The following CRIM1 variants were observed in gnomAD, a reference collection of about 807,000 sequenced individuals.
CRIM1 encodes cysteine rich transmembrane BMP regulator 1, also known as cysteine-rich motor neuron 1 protein.
CRIM1 carries 32 observed loss-of-function variants against 116.4 expected under a neutral mutation model. That is an observed-to-expected ratio of 0.27 (90% CI 0.21 to 0.37). CRIM1 has a LOEUF of 0.37. Among genes scored for constraint, CRIM1 ranks in the 10% least tolerant of loss-of-function variants. The probability of loss-of-function intolerance (pLI) is 1.00; values close to 1 mark genes in which losing one functional copy is unlikely to be tolerated. For synonymous variants in CRIM1, 590 were observed against 509.2 expected, an observed-to-expected ratio of 1.16 and a Z score of -2.13; for missense variants, 1,331 against 1,354.8, an observed-to-expected ratio of 0.98 and a Z score of 0.28.
chr2:36,447,643 C>T (rs577508542), intron 4 of CRIM1, among the ~76,000 whole-genome samples: 1 of 152,318 alleles, frequency 6.6e-6, no homozygotes, highest in African/African-American at 2.4e-5. Flanking sequence ...AGTTACAGAA[C>T]ACTTCTGCCA....
At chr2:36,393,784 T>A (rs1290217264) in intron 1 of CRIM1, among the ~76,000 whole-genome samples, 1 of 152,202 alleles carries the variant, frequency 6.6e-6, no homozygotes, top group African/African-American at 2.4e-5. Flanking sequence ...ATGGGAGCAG[T>A]TCCTGCGTGT....
At chr2:36,523,002 T>G (rs1178394899) in intron 13 of CRIM1, among the ~76,000 whole-genome samples, 5 of 150,102 alleles carry the variant, frequency 3.3e-5, no homozygotes, top group African/African-American at 9.8e-5. Flanking sequence ...TCACCCAGGC[T>G]GGAGTGCAGT....
intron 1 of CRIM1, among the ~76,000 whole-genome samples, chr2:36,391,817 A>G (rs1053545532): frequency 6.6e-6 from 1 of 151,694 alleles, no homozygotes; most frequent in Non-Finnish European, 1.5e-5. Context: ...AAAAAATGGT[A>G]CATAAAACTC....
intron 2 of CRIM1, among the ~76,000 whole-genome samples, chr2:36,414,754 T>TA (rs1673474708): frequency 7.9e-5 from 12 of 152,148 alleles, no homozygotes; most frequent in Admixed American, 7.9e-4. Flanking sequence ...CCGAGGGACT[T>TA]AAAGTTGTGA....
chr2:36,371,212 G>C (rs963131418), intron 1 of CRIM1, among the ~76,000 whole-genome samples: 1 of 152,064 alleles, frequency 6.6e-6, no homozygotes. Flanking sequence ...TCTTTCCTTT[G>C]TGAAGCCTTC....
At position 36,517,283 on chromosome 2, in the gene CRIM1, G is replaced by A. The variant is rs779410489; in HGVS notation, c.1991-44G>A. The A allele has an allele frequency of 5.3e-6, 8 of 1,518,934 alleles. No individual in the cohort carries two copies. In the South Asian group the frequency reaches 9.0e-5, roughly 17 times the overall value. The allele number at this position is 1,518,934 out of a possible 1,614,324, so 94.1% of individuals were successfully genotyped here. On this transcript the variant is annotated intron_variant, in intron 11 of 16. Coordinates refer to ENST00000280527, the MANE Select transcript of CRIM1 (RefSeq NM_016441.3). ...GCACCAGGCTTTCAAGAGTTGGAAA[G>A]ATTGCAGATGAATAATGTGTTCTGA...
rs893027978 is a variant in CRIM1, at chr2:36,549,052, C to A, written c.*351C>A. The A allele has an allele frequency of 6.1e-6, 1 of 163,948 alleles. No individual in the cohort carries two copies. The highest frequency in any genetic ancestry group is 1.3e-5 in the Non-Finnish European group (1 of 75,652). 10.2% of individuals were successfully genotyped at this position (163,948 alleles called of 1,614,324 possible). On this transcript the variant is annotated 3_prime_UTR_variant, in exon 17 of 17. Coordinates refer to ENST00000280527, the MANE Select transcript of CRIM1 (RefSeq NM_016441.3). Reference sequence around the variant, plus strand: ...GGAAGAAAAATTGGTCAGCTTGGCTCGGGGAGAAACCTGGTAACATAAAAG... The same window carrying A: ...GGAAGAAAAATTGGTCAGCTTGGCTAGGGGAGAAACCTGGTAACATAAAAG...
chr2:36,367,860 C>G (rs1669697590), intron 1 of CRIM1, among the ~76,000 whole-genome samples: 1 of 152,188 alleles, frequency 6.6e-6, no homozygotes, highest in Admixed American at 6.5e-5. Context: ...GGGTAGAACT[C>G]AAACCTCTCT....
At chr2:36,358,548 G>C (rs534128361) in intron 1 of CRIM1, among the ~76,000 whole-genome samples, 1 of 152,328 alleles carries the variant, frequency 6.6e-6, no homozygotes, top group African/African-American at 2.4e-5. Flanking sequence ...TCACAGTATA[G>C]AGTTATTTTG....
At chr2:36,481,757 A>G (rs1019229682) in intron 7 of CRIM1, among the ~76,000 whole-genome samples, 1 of 152,138 alleles carries the variant, frequency 6.6e-6, no homozygotes, top group Admixed American at 6.6e-5. Context: ...GGCTGAGTGA[A>G]GATCAACGGA....
rs147179816 is a variant in CRIM1 at position 36,509,524 on chromosome 2, G to A, written c.1502-459G>A. On this transcript the variant is annotated intron_variant, in intron 8 of 16. Transcript: ENST00000280527. ...TCTAAATGACAGAGCGAGAGATTCT[G>A]TCTCCAACAAAAGAAAAAAGGACAT... Among the ~76,000 whole-genome samples the A allele has an allele frequency of 8.5e-5, 13 of 152,278 alleles. No homozygotes were observed. The East Asian group carries it at 2.3e-3, about 27-fold the overall frequency.
At chr2:36,411,662 T>TTGTGTGTGTGTG (rs58015078) in intron 2 of CRIM1, among the ~76,000 whole-genome samples, 24 of 150,202 alleles carry the variant, frequency 1.6e-4, no homozygotes, top group African/African-American at 4.6e-4. Flanking sequence ...ATCTTATTCT[T>TTGTGTGTGTGTG]TGTGTGTGTG....
intron 2 of CRIM1, among the ~76,000 whole-genome samples, chr2:36,434,166 A>G (rs1339749958): frequency 2.0e-5 from 3 of 152,236 alleles, no homozygotes; most frequent in Non-Finnish European, 4.4e-5. Context: ...TGACATACGT[A>G]TTACATTTGT....
At chr2:36,372,832 G>A (rs1290310665) in intron 1 of CRIM1, among the ~76,000 whole-genome samples, 2 of 152,302 alleles carry the variant, frequency 1.3e-5, no homozygotes, top group East Asian at 1.9e-4. Context: ...GAAAGGGAAG[G>A]AGAGAAGCTG....
rs140602612 is a variant in CRIM1, at chr2:36,397,114, G to T, written c.505+327G>T. 1.8e-3 allele frequency among the ~76,000 whole-genome samples: 268 copies of T among 152,250 alleles called. 1 individual carries two copies. The highest frequency in any genetic ancestry group is 2.9e-3 in the Non-Finnish European group (200 of 68,002). On this transcript the variant is annotated intron_variant, in intron 2 of 16. Transcript: ENST00000280527. ...CCAGGTCCATTCTGTTTGATTTACC[G>T]TAGGATGGTGCTCCATGAGGAGTCT...
intron 8 of CRIM1, among the ~76,000 whole-genome samples, chr2:36,506,491 T>C (rs1681434166): frequency 6.6e-6 from 1 of 152,152 alleles, no homozygotes; most frequent in African/African-American, 2.4e-5. Context: ...TCCATGGAGG[T>C]TACGTTGTAT....
At chr2:36,477,458 G>A (rs982835329) in intron 6 of CRIM1, among the ~76,000 whole-genome samples, 19 of 152,302 alleles carry the variant, frequency 1.2e-4, no homozygotes, top group Non-Finnish European at 2.2e-4. Flanking sequence ...GATAATGTGG[G>A]CCTCACCCTG....
In CRIM1 at chr2:36,522,188, A is replaced by G; in HGVS notation, c.2303A>G (p.Lys768Arg). ...GDIFLAAESW[K>R]PDVCTSCICI... ...ATATTCCTGGCAGCTGAGTCCTGGA[A>G]GCCTGACGTTTGTACCAGCTGCATC... Residue 768 changes from lysine (K) to arginine (R), a missense_variant, in exon 13 of 17, where the codon AAG becomes AGG. Coordinates refer to ENST00000280527, the MANE Select transcript of CRIM1 (RefSeq NM_016441.3). 1 of 1,614,168 alleles carries G rather than the reference A, an allele frequency of 6.2e-7. No homozygotes were observed. The highest frequency in any genetic ancestry group is 8.5e-7 in the Non-Finnish European group (1 of 1,179,996).
chr2:36,477,481 T>C (rs972760927), intron 6 of CRIM1, among the ~76,000 whole-genome samples: 2 of 152,206 alleles, frequency 1.3e-5, no homozygotes, highest in African/African-American at 4.8e-5. Context: ...AGTCTCAGCC[T>C]GCCGGCCCAG....
Sources: gnomAD v4.1 joint callset for allele counts (sites outside exome capture counted in the v4.1 genomes callset) on GRCh38, gnomAD v4.1.1 for gene constraint, MANE v1.5 for transcripts, NCBI Gene and HGNC (gene_info 2026-07-23, HGNC 2026-07-21) for gene names.